C12orf42: variants seen among roughly 807,000 people sequenced by gnomAD.
The protein encoded by C12orf42 is uncharacterized protein C12orf42.
C12orf42 carries 25 observed loss-of-function variants against 21.6 expected under a neutral mutation model. The ratio of observed to expected loss-of-function variants is 1.16; its 90% confidence interval spans 0.84 to 1.62. The LOEUF is 1.62. Among genes scored for constraint, C12orf42 ranks in the 40% most tolerant of loss-of-function variants. C12orf42 has a pLI of 0.00. For synonymous variants in C12orf42, 174 were observed against 175.0 expected, an observed-to-expected ratio of 0.99 and a Z score of 0.05; for missense variants, 483 against 459.3, an observed-to-expected ratio of 1.05 and a Z score of -0.47.
the C12orf42 span, among the ~76,000 whole-genome samples, chr12:103,529,604 G>A: frequency 0.21 from 32,329 of 152,078 alleles, 3,835 homozygotes; most frequent in Non-Finnish European, 0.28. Context: ...CAGGGATGGC[G>A]GGATTTGAGA....
intron 1 of C12orf42, among the ~76,000 whole-genome samples, chr12:103,484,057 A>G (rs1450967987): frequency 2.0e-5 from 3 of 152,176 alleles, no homozygotes; most frequent in Non-Finnish European, 4.4e-5. Context: ...AATCGAGTCT[A>G]TCATTGATGG....
chr12:103,241,118 A>G (rs2033715927), intron 10 of C12orf42, among the ~76,000 whole-genome samples: 1 of 151,990 alleles, frequency 6.6e-6, no homozygotes, highest in Non-Finnish European at 1.5e-5. Flanking sequence ...TATAAAAACC[A>G]TTTGGTCTCA....
At chr12:103,279,945 G>A (rs2036003214) in intron 4 of C12orf42, among the ~76,000 whole-genome samples, 1 of 152,010 alleles carries the variant, frequency 6.6e-6, no homozygotes, top group South Asian at 2.1e-4. Flanking sequence ...CGTATGACAG[G>A]GTAAGTATAA....
rs2037807804 is a variant in C12orf42 at position 103,302,538 on chromosome 12, G to A, written c.653C>T (p.Thr218Ile). Reference protein sequence around the residue: ...KNSGSAARPSTAIGLCRRSQT... With the variant: ...KNSGSAARPSIAIGLCRRSQT... Reference sequence around the variant, plus strand: ...GCTCCTCCTGCAGAGGCCGATGGCAGTGGAAGGTCTGGCGGCAGAACCTGG... The same window carrying A: ...GCTCCTCCTGCAGAGGCCGATGGCAATGGAAGGTCTGGCGGCAGAACCTGG... Residue 218 changes from threonine (T) to isoleucine (I), a missense_variant, in exon 6 of 6, where the codon ACT (threonine) becomes ATT (isoleucine). Physicochemically the swap from Thr to Ile is moderately conservative, Grantham distance 89. Transcript: ENST00000548883. The A allele has an allele frequency of 1.2e-6, 2 of 1,609,092 alleles. No individual in the cohort carries two copies. The highest frequency in any genetic ancestry group is 1.7e-5 in the Admixed American group (1 of 59,766).
At chr12:103,423,548 C>T (rs10745966) in intron 2 of C12orf42, among the ~76,000 whole-genome samples, 124,384 of 152,070 alleles carry the variant, frequency 0.82, 50,939 homozygotes, top group Admixed American at 0.88. Context: ...AATCAAGTCT[C>T]CCAGTATTAA....
At chr12:103,466,216 C>T (rs908217981) in intron 2 of C12orf42, among the ~76,000 whole-genome samples, 2 of 152,174 alleles carry the variant, frequency 1.3e-5, no homozygotes, top group Non-Finnish European at 1.5e-5. Flanking sequence ...AGCTTTAACT[C>T]CATCTGGTCC....
At chr12:103,055,376 C>T in the C12orf42 span, among the ~76,000 whole-genome samples, 1 of 151,678 alleles carries the variant, frequency 6.6e-6, no homozygotes, top group South Asian at 2.1e-4. Context: ...CTTTGTTATC[C>T]TTTTGATGTC....
intron 1 of C12orf42, among the ~76,000 whole-genome samples, chr12:103,488,310 C>T (rs188755706): frequency 5.1e-4 from 77 of 152,292 alleles, no homozygotes; most frequent in African/African-American, 1.6e-3. Flanking sequence ...GGGTTTCTGC[C>T]GAGATATCTG....
At chr12:103,322,147 ACACG>A (rs1161143237) in intron 4 of C12orf42, among the ~76,000 whole-genome samples, 1 of 149,592 alleles carries the variant, frequency 6.7e-6, no homozygotes, top group Non-Finnish European at 1.5e-5. Flanking sequence ...ACACACACAC[ACACG>A]CACACGCACA....
intron 1 of C12orf42, among the ~76,000 whole-genome samples, chr12:103,483,843 G>A (rs539033351): frequency 6.6e-5 from 10 of 152,162 alleles, no homozygotes; most frequent in East Asian, 5.8e-4. Flanking sequence ...CCTGGTGTGC[G>A]ATGTTGCCCA....
At chr12:103,281,505 C>T (rs1339495746) in intron 4 of C12orf42, among the ~76,000 whole-genome samples, 1 of 151,874 alleles carries the variant, frequency 6.6e-6, no homozygotes, top group Non-Finnish European at 1.5e-5. Context: ...TACAGGCGCC[C>T]ACCACCATGC....
the C12orf42 span, among the ~76,000 whole-genome samples, chr12:103,539,605 A>C: frequency 6.7e-6 from 1 of 150,286 alleles, no homozygotes; most frequent in Non-Finnish European, 1.5e-5. Context: ...TTTGAGATGG[A>C]GTCTCACTCT....
the C12orf42 span, among the ~76,000 whole-genome samples, chr12:103,537,424 GTA>G: frequency 6.6e-6 from 1 of 152,166 alleles, no homozygotes; most frequent in Non-Finnish European, 1.5e-5. Context: ...TAGAACTAAA[GTA>G]TATCAGAACA....
intron 4 of C12orf42, among the ~76,000 whole-genome samples, chr12:103,319,414 T>A (rs1446272592): frequency 4.6e-5 from 7 of 151,954 alleles, no homozygotes; most frequent in African/African-American, 1.7e-4. Flanking sequence ...AACCCTAGTC[T>A]TTGTTGAAGG....
At chr12:103,196,228 T>C in the C12orf42 span, among the ~76,000 whole-genome samples, 1 of 152,210 alleles carries the variant, frequency 6.6e-6, no homozygotes, top group Admixed American at 6.5e-5. Flanking sequence ...AATTTCCATA[T>C]AATTGTACTG....
chr12:103,523,187 C>T, the C12orf42 span, among the ~76,000 whole-genome samples: 1 of 152,130 alleles, frequency 6.6e-6, no homozygotes. Flanking sequence ...CCAGTAGGTC[C>T]CAGTCACTTG....
chr12:103,358,840 T>C (rs1020241101), intron 4 of C12orf42, among the ~76,000 whole-genome samples: 5 of 152,044 alleles, frequency 3.3e-5, no homozygotes, highest in African/African-American at 1.2e-4. Context: ...CTACAATTAA[T>C]TATCCAGACA....
At chr12:103,342,077 G>A (rs78672720) in intron 4 of C12orf42, among the ~76,000 whole-genome samples, 16,407 of 152,000 alleles carry the variant, frequency 0.11, 1,042 homozygotes, top group East Asian at 0.19. Flanking sequence ...TAGATAGACA[G>A]ATAAAATATC....
chr12:103,297,609 C>A (rs1408866295), downstream of C12orf42, among the ~76,000 whole-genome samples: 6 of 151,914 alleles, frequency 3.9e-5, no homozygotes, highest in African/African-American at 1.5e-4. Context: ...TTTTATGAGG[C>A]CAGCATCATC....
Sources: allele counts gnomAD v4.1 joint callset (sites outside exome capture counted in the v4.1 genomes callset), GRCh38; gene constraint gnomAD v4.1.1; transcripts MANE v1.5; gene names NCBI Gene and HGNC (gene_info 2026-07-23, HGNC 2026-07-21).